Variants in KCNU1 observed in about 807,000 individuals in gnomAD.
The protein encoded by KCNU1 is potassium calcium-activated channel subfamily U member 1, also known as potassium channel subfamily U member 1.
In KCNU1, 93 loss-of-function variants were observed where a neutral mutation model predicts 126.8. That is an observed-to-expected ratio of 0.73 (90% CI 0.62 to 0.87). The LOEUF (loss-of-function observed/expected upper bound fraction) is 0.87. KCNU1 is among the 40% of genes least tolerant of loss of function. The pLI is 0.00. For missense variants in KCNU1, 1,330 were observed against 1,367.1 expected, an observed-to-expected ratio of 0.97 and a Z score of 0.43; for synonymous variants, 523 against 494.2, an observed-to-expected ratio of 1.06 and a Z score of -0.77.
intron 22 of KCNU1, among the ~76,000 whole-genome samples, chr8:36,914,542 A>G (rs1808021739): frequency 6.6e-6 from 1 of 152,206 alleles, no homozygotes; most frequent in Admixed American, 6.5e-5. Flanking sequence ...AAGCCAAGCT[A>G]GGACCATCAA....
chr8:36,811,839 G>C (rs1803728729), intron 7 of KCNU1, among the ~76,000 whole-genome samples: 1 of 152,110 alleles, frequency 6.6e-6, no homozygotes. Flanking sequence ...GGCTGAGCCA[G>C]GTGCATCACT....
chr8:36,855,896 G>C (rs567793463), intron 18 of KCNU1, among the ~76,000 whole-genome samples: 2 of 151,996 alleles, frequency 1.3e-5, no homozygotes, highest in Non-Finnish European at 2.9e-5. Context: ...TTTCTGATAA[G>C]AAGTCAGCTG....
intron 2 of KCNU1, among the ~76,000 whole-genome samples, chr8:36,799,385 G>A (rs183854927): frequency 2.0e-5 from 3 of 151,286 alleles, no homozygotes; most frequent in South Asian, 2.1e-4. Flanking sequence ...GGGCCTTTTC[G>A]ATCTAGACTC....
chr8:36,820,857 A>G (rs1585414608), intron 10 of KCNU1, among the ~76,000 whole-genome samples: 1 of 152,318 alleles, frequency 6.6e-6, no homozygotes, highest in East Asian at 1.9e-4. Context: ...AGAGGCTCTC[A>G]GTCAGGCAAA....
chr8:36,882,107 T>C (rs770849293), intron 19 of KCNU1, among the ~76,000 whole-genome samples: 11 of 152,204 alleles, frequency 7.2e-5, no homozygotes, highest in Non-Finnish European at 1.6e-4. Context: ...CCACACCTCT[T>C]GACTCCCTTG....
At chr8:36,792,941 A>G (rs1179147006) in intron 2 of KCNU1, among the ~76,000 whole-genome samples, 1 of 152,010 alleles carries the variant, frequency 6.6e-6, no homozygotes, top group Non-Finnish European at 1.5e-5. Flanking sequence ...TCTCATTCTA[A>G]CAATAAGTGA....
chr8:36,846,532 G>A (rs559123735), intron 18 of KCNU1, among the ~76,000 whole-genome samples: 55 of 152,186 alleles, frequency 3.6e-4, no homozygotes, highest in African/African-American at 1.1e-3. Flanking sequence ...AGTCGGGCAC[G>A]GTGGCTCACA....
rs1194196924 is a variant in KCNU1 at position 36,830,886 on chromosome 8, C to A, written c.1107-2668C>A. On this transcript the variant is annotated intron_variant, in intron 10 of 26. Coordinates refer to ENST00000399881, the MANE Select transcript of KCNU1 (RefSeq NM_001031836.3). ...ACTCGTCATCTAGCATTAGGTATAT[C>A]TCCCGATGCTATCCCTCCCCCCTCC... is the stretch of plus-strand genomic sequence containing the variant. 3.3e-5 allele frequency among the ~76,000 whole-genome samples: 5 copies of A among 149,958 alleles called. 1 individual carries two copies. Among genetic ancestry groups the A allele is most frequent in the Non-Finnish European group, 7.4e-5 (5 of 67,416 alleles).
intron 10 of KCNU1, among the ~76,000 whole-genome samples, chr8:36,818,144 T>C (rs1393572960): frequency 6.6e-6 from 1 of 152,194 alleles, no homozygotes; most frequent in Non-Finnish European, 1.5e-5. Flanking sequence ...CTTGATGCTG[T>C]TGTTGTTCTG....
chr8:36,892,207 C>T lies in KCNU1; in HGVS notation c.2010-13501C>T, dbSNP rs1806989584. Among the ~76,000 whole-genome samples the T allele has an allele frequency of 5.3e-5, 8 of 152,132 alleles. No homozygotes were observed. In the South Asian group the frequency reaches 1.4e-3, roughly 28 times the overall value. On this transcript the variant is annotated intron_variant, in intron 19 of 26. Transcript: ENST00000399881. ...ATCTCCATTGACTTATATTCAAGCT[C>T]ATTTATTCCTTCTTCTGCCAACTCA...
At chr8:36,815,471 G>A (rs1803873771) in intron 8 of KCNU1, 125 bp from the exon 9 acceptor site, 3 of 524,028 alleles carry the variant, frequency 5.7e-6, no homozygotes, top group African/African-American at 4.0e-5. Flanking sequence ...CCTTTAACAT[G>A]CTATCATGTG....
At chr8:36,878,874 GTATA>G (rs1008910286) in intron 19 of KCNU1, among the ~76,000 whole-genome samples, 2 of 147,090 alleles carry the variant, frequency 1.4e-5, no homozygotes, top group Admixed American at 6.8e-5. Flanking sequence ...TATTGTATAT[GTATA>G]TAAATATATA....
intron 18 of KCNU1, among the ~76,000 whole-genome samples, chr8:36,862,357 A>G (rs1805762735): frequency 6.6e-6 from 1 of 152,192 alleles, no homozygotes; most frequent in Non-Finnish European, 1.5e-5. Context: ...AACTGGGGAT[A>G]AACTGTTGCA....
chr8:36,836,944 AG>A lies in KCNU1; in HGVS notation c.1518+1del. The A allele has an allele frequency of 6.2e-7, 1 of 1,613,664 alleles. No homozygotes were observed. Among genetic ancestry groups the A allele is most frequent in the Non-Finnish European group, 8.5e-7 (1 of 1,179,630 alleles). ...TCTCTATTTGTGGAGCAAAACAAAAAGGTAACCTTGTAAATTACTGTTGATT... is the reference window on the plus strand; with the variant it reads ...TCTCTATTTGTGGAGCAAAACAAAAAGTAACCTTGTAAATTACTGTTGATT... ...LTSLFVEQNK[K>X]VMPKQTWKKH... is the part of the protein sequence containing the mutation. On this transcript the variant is annotated frameshift_variant and splice_region_variant, in exon 14 of 27. Transcript: ENST00000399881. LOFTEE classifies it high-confidence loss of function.
At chr8:36,916,125 G>A (rs900497965) in intron 22 of KCNU1, among the ~76,000 whole-genome samples, 1 of 147,586 alleles carries the variant, frequency 6.8e-6, no homozygotes, top group African/African-American at 2.5e-5. Flanking sequence ...AAGGAAAGGT[G>A]GGAGGGAAGG....
chr8:36,836,430 A>G lies in KCNU1; in HGVS notation c.1365+65A>G, dbSNP rs1563285775. 10 of 1,115,854 alleles carry G rather than the reference A, an allele frequency of 9.0e-6. No individual in the cohort carries two copies. The East Asian group carries it at 2.4e-4, about 27-fold the overall frequency. 69.1% of individuals were successfully genotyped at this position (1,115,854 alleles called of 1,614,324 possible). A position where few individuals can be genotyped will look rare whatever the true frequency, so the allele number is the denominator to read the frequency against. On this transcript the variant is annotated intron_variant, in intron 13 of 26. Coordinates refer to ENST00000399881, the MANE Select transcript of KCNU1 (RefSeq NM_001031836.3). ...TCTATATAGCTAGACGAACTTTTTA[A>G]TTTTCTAATGGATGTGTAAATAAAA...
chr8:36,805,893 C>T (rs1803481795), intron 4 of KCNU1, among the ~76,000 whole-genome samples: 1 of 152,050 alleles, frequency 6.6e-6, no homozygotes, highest in Non-Finnish European at 1.5e-5. Context: ...ACCTAGGCTG[C>T]AGTACAGTGA....
chr8:36,909,441 A>G lies in KCNU1; in HGVS notation c.2237A>G (p.Lys746Arg), dbSNP rs776185663. ...TTGAGAGCCAGCAACTATACCAGGA[A>G]GGAGCTGAAGGACATAGTGTTCATT... ...MPLRASNYTR[K>R]ELKDIVFIGS... The change falls in exon 21 of 27, where the codon AAG becomes AGG. Residue 746 changes from lysine to arginine, a missense_variant. Physicochemically the swap from Lys to Arg is conservative, Grantham distance 26. This residue lies in a region of KCNU1 where 1,054 missense variants were observed against 1,053.9 expected (regional missense o/e 1.00). Coordinates refer to ENST00000399881, the MANE Select transcript of KCNU1 (RefSeq NM_001031836.3). The G allele has an allele frequency of 9.9e-6, 16 of 1,613,310 alleles. No homozygotes were observed. The highest frequency in any genetic ancestry group is 1.4e-5 in the Non-Finnish European group (16 of 1,179,362).
chr8:36,838,540 TA>T (rs1191733040), intron 14 of KCNU1, among the ~76,000 whole-genome samples: 1 of 151,760 alleles, frequency 6.6e-6, no homozygotes, highest in Admixed American at 6.6e-5. Context: ...AAAATATATA[TA>T]AAAAAATTAG....
Sources: gnomAD v4.1 joint callset for allele counts (sites outside exome capture counted in the v4.1 genomes callset) on GRCh38, gnomAD v4.1.1 for gene constraint, gnomAD v4.1.1 regional missense constraint, MANE v1.5 for transcripts, NCBI Gene and HGNC (gene_info 2026-07-23, HGNC 2026-07-21) for gene names.